Variants in TRAPPC11 observed in about 807,000 individuals in gnomAD.
The protein encoded by TRAPPC11 is trafficking protein particle complex subunit 11.
Under a neutral mutation model 151.2 loss-of-function variants are expected in TRAPPC11, and 104 were observed. The ratio of observed to expected loss-of-function variants is 0.69; its 90% CI spans 0.59 to 0.81. The LOEUF (loss-of-function observed/expected upper bound fraction) is 0.81. TRAPPC11 is among the 30% of genes least tolerant of loss of function. The pLI, the probability that TRAPPC11 is intolerant of heterozygous loss-of-function variation, is 0.00. For missense variants in TRAPPC11, 1,230 were observed against 1,349.6 expected, an observed-to-expected ratio of 0.91 and a Z score of 1.39; for synonymous variants, 456 against 472.3, an observed-to-expected ratio of 0.97 and a Z score of 0.45.
chr4:183,691,506 T>A, intron 19 of TRAPPC11, 35 bp downstream of exon 19: 1 of 1,264,712 alleles, frequency 7.9e-7, no homozygotes, highest in Non-Finnish European at 1.1e-6. Flanking sequence ...ATATTTTTAA[T>A]AATAAAAGTA....
chr4:183,711,119 T>TG (rs112195489), intron 29 of TRAPPC11, among the ~76,000 whole-genome samples: 42,133 of 151,978 alleles, frequency 0.28, 6,500 homozygotes, highest in African/African-American at 0.42. Context: ...TACAATTTTT[T>TG]TTTTTACTTG....
intron 4 of TRAPPC11, among the ~76,000 whole-genome samples, chr4:183,667,685 G>C (rs1734953449): frequency 6.6e-6 from 1 of 152,114 alleles, no homozygotes; most frequent in Non-Finnish European, 1.5e-5. Context: ...AATGGTTTTG[G>C]AGACTTCTTT....
At chr4:183,665,062 GC>G (rs1454469696) in intron 2 of TRAPPC11, among the ~76,000 whole-genome samples, 2 of 150,552 alleles carry the variant, frequency 1.3e-5, no homozygotes, top group East Asian at 3.9e-4. Context: ...CCCAGCCCTG[GC>G]CCTCACACGA....
chr4:183,676,835 G>A (rs1472450372), intron 7 of TRAPPC11, among the ~76,000 whole-genome samples: 1 of 152,212 alleles, frequency 6.6e-6, no homozygotes, highest in Non-Finnish European at 1.5e-5. Flanking sequence ...CACGATCTCA[G>A]CTCACTGCAG....
chr4:183,686,907 A>G (rs1263951318), intron 18 of TRAPPC11, among the ~76,000 whole-genome samples, 159 bp downstream of exon 18: 1 of 152,198 alleles, frequency 6.6e-6, no homozygotes, highest in East Asian at 1.9e-4. Context: ...AGGGCCGGGC[A>G]CAGTGGCTCA....
In TRAPPC11 at chr4:183,712,589, C is replaced by T. The variant is rs996354242; in HGVS notation, c.3358-11C>T. The T allele has an allele frequency of 6.2e-7, 1 of 1,613,288 alleles. No homozygotes were observed. The highest frequency in any genetic ancestry group is 8.5e-7 in the Non-Finnish European group (1 of 1,179,622). On this transcript the variant is annotated splice_polypyrimidine_tract_variant and intron_variant, in intron 29 of 29. Transcript: ENST00000334690. ...ATTTTGTAAACCCACTTTGTTTTTC[C>T]CACTTTAAAGCCACAGGGTCGACTC...
At position 183,698,795 on chromosome 4, in the gene TRAPPC11, C is replaced by T. The variant is rs1736667974; in HGVS notation, c.2851+960C>T. On this transcript the variant is annotated intron_variant, in intron 25 of 29. Transcript: ENST00000334690. ...CACGACCTTAGGCTGCCTGCATTCC[C>T]TCGTCCAGTTGGAGGGGTTGTCTGG... 1.3e-5 allele frequency among the ~76,000 whole-genome samples: 2 copies of T among 152,160 alleles called. 1 individual carries two copies. Among genetic ancestry groups the T allele is most frequent in the East Asian group, 3.9e-4 (2 of 5,192 alleles).
intron 29 of TRAPPC11, among the ~76,000 whole-genome samples, chr4:183,710,750 C>T (rs894661169): frequency 5.3e-5 from 8 of 149,580 alleles, no homozygotes; most frequent in Admixed American, 1.3e-4. Flanking sequence ...AAATTTTGGC[C>T]GGGCGTGGTG....
intron 27 of TRAPPC11, 83 bp downstream of exon 27, chr4:183,705,153 A>T: frequency 9.7e-7 from 1 of 1,026,460 alleles, no homozygotes; most frequent in Non-Finnish European, 1.5e-6. Flanking sequence ...TTATTTTAAC[A>T]TTCTATTTAG....
In TRAPPC11 at chr4:183,661,370, T is replaced by G. The variant is rs1221100212; in HGVS notation, c.-22+1923T>G. 3.0e-5 allele frequency among the ~76,000 whole-genome samples: 4 copies of G among 135,572 alleles called. No homozygotes were observed. In the South Asian group the frequency reaches 7.3e-4, roughly 25 times the overall value. 88.9% of individuals were successfully genotyped at this position (135,572 alleles called of 152,430 possible). On this transcript the variant is annotated intron_variant, in intron 1 of 29. Coordinates refer to ENST00000334690, the MANE Select transcript of TRAPPC11 (RefSeq NM_021942.6). ...TACTGGTGTAGATTACCTTTTTTTTTTTTTTTTTTTTTTTTTGAGACGGAG... is the reference window on the plus strand; with the variant it reads ...TACTGGTGTAGATTACCTTTTTTTTGTTTTTTTTTTTTTTTTGAGACGGAG...
rs773279799 is a variant in TRAPPC11, at chr4:183,682,741, A to G, written c.1123A>G (p.Met375Val). 3 of 1,611,290 alleles carry G rather than the reference A, an allele frequency of 1.9e-6. No individual in the cohort carries two copies. The South Asian group carries it at 3.3e-5, about 18-fold the overall frequency. Residue 375 changes from methionine (M) to valine (V), a missense_variant, in exon 11 of 30, where the codon ATG becomes GTG. Transcript: ENST00000334690. ...KTLCNHEASV[M>V]YPNPDPLETQ... is the part of the protein sequence containing the mutation. ...GTGTTTTAATTTACAGGCTTCTGTA[A>G]TGTATCCCAATCCTGATCCCTTAGA... is the stretch of plus-strand genomic sequence containing the variant.
intron 5 of TRAPPC11, among the ~76,000 whole-genome samples, chr4:183,674,380 T>C (rs1735303931): frequency 7.4e-6 from 1 of 135,730 alleles, no homozygotes; most frequent in Non-Finnish European, 1.5e-5. Flanking sequence ...ATTGCGTCAC[T>C]GCACTCCAGC....
At chr4:183,694,950 T>C (rs978380170) in intron 23 of TRAPPC11, among the ~76,000 whole-genome samples, 53 of 149,078 alleles carry the variant, frequency 3.6e-4, no homozygotes, top group African/African-American at 9.3e-4. Flanking sequence ...CTTTTCTTTT[T>C]TTTTTTTTTT....
intron 26 of TRAPPC11, among the ~76,000 whole-genome samples, chr4:183,703,011 A>AT (rs1197746454): frequency 6.6e-6 from 1 of 152,192 alleles, no homozygotes; most frequent in African/African-American, 2.4e-5. Flanking sequence ...ACTGGAGGAA[A>AT]TTCATGAAAT....
intron 1 of TRAPPC11, among the ~76,000 whole-genome samples, chr4:183,661,995 C>T (rs1425388764): frequency 6.6e-6 from 1 of 151,886 alleles, no homozygotes; most frequent in Non-Finnish European, 1.5e-5. Context: ...GAACTCCTGG[C>T]CTCAACAATC....
At chr4:183,697,015 G>C (rs1331558488) in intron 23 of TRAPPC11, among the ~76,000 whole-genome samples, 1 of 152,054 alleles carries the variant, frequency 6.6e-6, no homozygotes. Flanking sequence ...TAGATCCAGA[G>C]ATAAATAATG....
intron 14 of TRAPPC11, 50 bp downstream of exon 14, chr4:183,684,409 T>C: frequency 6.6e-7 from 1 of 1,504,760 alleles, no homozygotes. Context: ...TTATCTGAAG[T>C]GAAACTGAAA....
chr4:183,698,917 C>A (rs1736674535), intron 25 of TRAPPC11, among the ~76,000 whole-genome samples: 1 of 152,212 alleles, frequency 6.6e-6, no homozygotes, highest in African/African-American at 2.4e-5. Flanking sequence ...CACCCACATC[C>A]AAACATTTTT....
At chr4:183,692,850 C>A in intron 19 of TRAPPC11, 110 bp from the exon 20 acceptor site, 1 of 942,184 alleles carries the variant, frequency 1.1e-6, no homozygotes, top group Non-Finnish European at 1.6e-6. Flanking sequence ...CACTGGGGGT[C>A]TCTAGATGAA....
Sources: gnomAD v4.1 joint callset for allele counts (sites outside exome capture counted in the v4.1 genomes callset) on GRCh38, gnomAD v4.1.1 for gene constraint, MANE v1.5 for transcripts, NCBI Gene and HGNC (gene_info 2026-07-23, HGNC 2026-07-21) for gene names.